Variants in COL26A1 observed in about 807,000 individuals in gnomAD.
COL26A1 encodes the protein collagen alpha-1(XXVI) chain.
In COL26A1, 41 loss-of-function variants were observed where a neutral mutation model predicts 59.3. The observed-to-expected ratio is 0.69, with a 90% confidence interval of 0.54 to 0.90. The LOEUF (loss-of-function observed/expected upper bound fraction) is 0.90, where lower values mean the gene tolerates loss of function less well. Among genes scored for constraint, COL26A1 ranks in the 40% least tolerant of loss-of-function variants. The probability of loss-of-function intolerance (pLI) is 0.00; values close to 1 mark genes in which losing one functional copy is unlikely to be tolerated. For synonymous variants in COL26A1, 266 were observed against 256.0 expected (o/e 1.04, Z -0.37); for missense variants, 612 against 602.3 (o/e 1.02, Z -0.17).
chr7:101,514,412 T>G (rs2130593539), intron 3 of COL26A1, among the ~76,000 whole-genome samples: 1 of 152,204 alleles, frequency 6.6e-6, no homozygotes, highest in East Asian at 1.9e-4. Context: ...CCCACCAGAT[T>G]GGCAGAGCTG....
At chr7:101,443,539 G>A (rs1211806011) in intron 2 of COL26A1, among the ~76,000 whole-genome samples, 1 of 152,116 alleles carries the variant, frequency 6.6e-6, no homozygotes, top group African/African-American at 2.4e-5. Flanking sequence ...TAAGTTGCTC[G>A]ATGTCAGCAG....
At chr7:101,459,959 G>A (rs940500850) in intron 3 of COL26A1, among the ~76,000 whole-genome samples, 2 of 152,048 alleles carry the variant, frequency 1.3e-5, no homozygotes, top group Non-Finnish European at 2.9e-5. Flanking sequence ...AATGGCTGAG[G>A]GTTCAAAGCC....
At chr7:101,430,336 T>G (rs1562975123) in intron 2 of COL26A1, among the ~76,000 whole-genome samples, 1 of 152,106 alleles carries the variant, frequency 6.6e-6, no homozygotes, top group Non-Finnish European at 1.5e-5. Flanking sequence ...CAGGCTGGAG[T>G]GCAGTGTAGT....
chr7:101,463,139 A>C (rs1444265672), intron 3 of COL26A1, among the ~76,000 whole-genome samples: 1 of 152,200 alleles, frequency 6.6e-6, no homozygotes, highest in Non-Finnish European at 1.5e-5. Flanking sequence ...GAAAGAGAAC[A>C]GGGCTTTGGT....
At chr7:101,539,520 G>T (rs1241986273) in intron 4 of COL26A1, among the ~76,000 whole-genome samples, 1 of 151,950 alleles carries the variant, frequency 6.6e-6, no homozygotes, top group Non-Finnish European at 1.5e-5. Context: ...AGAGATGGGG[G>T]TCTCACTGTG....
chr7:101,475,151 G>C (rs144179393), intron 3 of COL26A1, among the ~76,000 whole-genome samples: 39 of 150,648 alleles, frequency 2.6e-4, no homozygotes, highest in Non-Finnish European at 5.2e-4. Context: ...AGCCGAGATC[G>C]CGCCACTGCA....
intron 5 of COL26A1, among the ~76,000 whole-genome samples, chr7:101,540,888 T>A (rs891161354): frequency 4.6e-5 from 7 of 151,922 alleles, no homozygotes; most frequent in Non-Finnish European, 8.8e-5. Flanking sequence ...ACACCTATAA[T>A]CCCAGCACTT....
chr7:101,435,694 ATAGACT>A (rs1792898172), intron 2 of COL26A1, among the ~76,000 whole-genome samples: 1 of 152,074 alleles, frequency 6.6e-6, no homozygotes. Flanking sequence ...CTGGGGCCTG[ATAGACT>A]TAGAAGGACA....
At chr7:101,409,895 G>A (rs1242778883) in intron 1 of COL26A1, among the ~76,000 whole-genome samples, 1 of 152,038 alleles carries the variant, frequency 6.6e-6, no homozygotes, top group Non-Finnish European at 1.5e-5. Flanking sequence ...CGAGTAGCTG[G>A]GACTACAGGT....
Position 101,387,776 on chromosome 7 carries a change from A to ATTTTTTTTT in COL26A1, c.158+24587_158+24588insTTTTTTTTT, listed in dbSNP as rs1445116473. ...TATTTATATATATATATATATATAT[A>ATTTTTTTTT]TATTTTTTTTTAAGACAGAGTCTCA... On this transcript the variant is annotated intron_variant, in intron 1 of 12. Transcript: ENST00000313669. Among the ~76,000 whole-genome samples the ATTTTTTTTT allele has an allele frequency of 3.5e-5, 3 of 84,770 alleles. 1 individual carries two copies. The highest frequency in any genetic ancestry group is 6.7e-5 in the Non-Finnish European group (3 of 44,596). The allele number at this position is 84,770 out of a possible 152,430, so 55.6% of individuals were successfully genotyped here. A position where few individuals can be genotyped will look rare whatever the true frequency, so the allele number is the denominator to read the frequency against.
chr7:101,472,558 G>C (rs1267777043), intron 3 of COL26A1, among the ~76,000 whole-genome samples: 1 of 152,148 alleles, frequency 6.6e-6, no homozygotes, highest in African/African-American at 2.4e-5. Context: ...TGGAGGGGTT[G>C]TGCTAAGCAT....
At chr7:101,395,598 G>C (rs57810434) in intron 1 of COL26A1, among the ~76,000 whole-genome samples, 1,927 of 152,282 alleles carry the variant, frequency 0.013, 37 homozygotes, top group African/African-American at 0.044. Context: ...GGAATGAATT[G>C]AGAACTTGAA....
Position 101,553,314 on chromosome 7 carries a change from C to T in COL26A1, c.1030-12C>T. The T allele has an allele frequency of 6.2e-7, 1 of 1,613,494 alleles. No homozygotes were observed. Among genetic ancestry groups the T allele is most frequent in the Non-Finnish European group, 8.5e-7 (1 of 1,179,538 alleles). On this transcript the variant is annotated splice_polypyrimidine_tract_variant and intron_variant, in intron 10 of 12. Coordinates refer to ENST00000313669, the MANE Select transcript of COL26A1 (RefSeq NM_001278563.3). ...TCCCGTTCCAGTGTTGACTGTGTGA[C>T]TTGCTTCTTAGGGTGAACCTGGCGT...
At chr7:101,393,462 T>C (rs1228008085) in intron 1 of COL26A1, among the ~76,000 whole-genome samples, 1 of 152,144 alleles carries the variant, frequency 6.6e-6, no homozygotes, top group East Asian at 1.9e-4. Flanking sequence ...TTCTACCTGC[T>C]TTATATTCTA....
intron 4 of COL26A1, 24 bp from the exon 5 acceptor site, chr7:101,539,869 G>A: frequency 6.2e-7 from 1 of 1,601,092 alleles, no homozygotes. Flanking sequence ...ACTGGGACCT[G>A]ACTCTCTATC....
In COL26A1 at chr7:101,489,679, T is replaced by G. The variant is rs55877850; in HGVS notation, c.385+41892T>G. 6.1e-4 allele frequency among the ~76,000 whole-genome samples: 24 copies of G among 39,590 alleles called. 3 individuals are homozygous for G. In the African/African-American group the frequency reaches 7.6e-3, roughly 12 times the overall value. The allele number at this position is 39,590 out of a possible 152,430, so 26.0% of individuals were successfully genotyped here. On this transcript the variant is annotated intron_variant, in intron 3 of 12. Coordinates refer to ENST00000313669, the MANE Select transcript of COL26A1 (RefSeq NM_001278563.3). ...TTTCTTTCTTCCTTCCTTCCTTCCTTCCTTTCTTTCTTTCTTTCTGTCTTT... is the reference window on the plus strand; with the variant it reads ...TTTCTTTCTTCCTTCCTTCCTTCCTGCCTTTCTTTCTTTCTTTCTGTCTTT...
intron 3 of COL26A1, among the ~76,000 whole-genome samples, chr7:101,500,511 G>A (rs1017073227): frequency 5.3e-5 from 8 of 152,192 alleles, no homozygotes; most frequent in Non-Finnish European, 8.8e-5. Context: ...CTGTCTGCAT[G>A]GCCTGCATCT....
At chr7:101,382,407 C>T (rs961265927) in intron 1 of COL26A1, among the ~76,000 whole-genome samples, 1 of 152,116 alleles carries the variant, frequency 6.6e-6, no homozygotes, top group Non-Finnish European at 1.5e-5. Flanking sequence ...ACTGCCTTCA[C>T]ACTTTTATTG....
chr7:101,521,677 A>T (rs1444749949), intron 3 of COL26A1, among the ~76,000 whole-genome samples: 4 of 152,216 alleles, frequency 2.6e-5, no homozygotes, highest in Non-Finnish European at 5.9e-5. Flanking sequence ...TTAAGAGAAC[A>T]CTTTGGCATG....
Sources: gnomAD v4.1 joint callset for allele counts (sites outside exome capture counted in the v4.1 genomes callset) on GRCh38, gnomAD v4.1.1 for gene constraint, MANE v1.5 for transcripts, NCBI Gene and HGNC (gene_info 2026-07-23, HGNC 2026-07-21) for gene names.